The following LIMS1 variants were observed in gnomAD, a reference collection of about 807,000 sequenced individuals.
The protein encoded by LIMS1 is LIM and senescent cell antigen-like-containing domain protein 1.
LIMS1 carries 18 observed loss-of-function variants against 44.1 expected under a neutral mutation model. The observed-to-expected ratio is 0.41, with a 90% confidence interval of 0.28 to 0.61. LIMS1 has a LOEUF of 0.61. Among genes scored for constraint, LIMS1 ranks in the 20% least tolerant of loss-of-function variants. LIMS1 has a pLI of 0.32. For missense variants in LIMS1, 201 were observed against 422.0 expected (o/e 0.48, Z 4.59); for synonymous variants, 93 against 149.1 (o/e 0.62, Z 2.74).
intron 1 of LIMS1, chr2:108,607,173 A>G (rs185759837): frequency 1.3e-6 from 2 of 1,547,870 alleles, no homozygotes; most frequent in East Asian, 4.9e-5. Context: ...GGACACAGTG[A>G]GAGGGTGCCA....
At chr2:108,681,553 G>C in intron 9 of LIMS1, 1 of 961,186 alleles carries the variant, frequency 1.0e-6, no homozygotes, top group Non-Finnish European at 1.2e-6. Context: ...TCCTTGCCAC[G>C]ATCATTTAAT....
intron 1 of LIMS1, among the ~76,000 whole-genome samples, chr2:108,551,779 A>AC (rs1684728080): frequency 6.8e-6 from 1 of 146,384 alleles, no homozygotes; most frequent in African/African-American, 2.5e-5. Flanking sequence ...TATATCATAT[A>AC]CAATATACAG....
chr2:108,534,702 C>G (rs1384077662), intron 1 of LIMS1, 108 bp downstream of exon 1: 13 of 594,096 alleles, frequency 2.2e-5, no homozygotes, highest in Non-Finnish European at 2.7e-5. Context: ...GGGCTTTCCC[C>G]GCGGCCTCCC....
chr2:108,553,483 G>T (rs1684827113), intron 1 of LIMS1, among the ~76,000 whole-genome samples: 1 of 152,146 alleles, frequency 6.6e-6, no homozygotes, highest in South Asian at 2.1e-4. Flanking sequence ...AAAGGCCCAG[G>T]ATCACACAAT....
chr2:108,552,461 A>G (rs1684784612), intron 1 of LIMS1, among the ~76,000 whole-genome samples: 1 of 146,234 alleles, frequency 6.8e-6, no homozygotes. Context: ...AGTTAAATAT[A>G]TTAATATATA....
intron 1 of LIMS1, among the ~76,000 whole-genome samples, chr2:108,591,941 C>T (rs773687741): frequency 4.6e-5 from 7 of 151,862 alleles, no homozygotes; most frequent in Non-Finnish European, 7.4e-5. Context: ...ATTACAGGCA[C>T]GCACCACCAT....
Position 108,645,297 on chromosome 2 carries a change from G to A in LIMS1, c.33-14308G>A, listed in dbSNP as rs1409249582. Among the ~76,000 whole-genome samples, 9 of 152,098 alleles carry A rather than the reference G, an allele frequency of 5.9e-5. 1 individual carries two copies. The highest frequency in any genetic ancestry group is 4.1e-4 in the South Asian group (2 of 4,830). On this transcript the variant is annotated intron_variant, in intron 1 of 9. Coordinates refer to ENST00000544547, the Ensembl canonical transcript of LIMS1. ...GCCCATCAGACTAACAGCGGATCTC[G>A]GCAGAAACCCTACAAGCCAGAAGAG...
chr2:108,597,048 ACAGG>A (rs1369003465), intron 1 of LIMS1, among the ~76,000 whole-genome samples: 1 of 148,036 alleles, frequency 6.8e-6, no homozygotes, highest in Non-Finnish European at 1.5e-5. Flanking sequence ...AGCTGGGATT[ACAGG>A]CACGTACCAC....
chr2:108,617,909 A>C (rs1428691328), intron 1 of LIMS1, among the ~76,000 whole-genome samples: 1 of 152,206 alleles, frequency 6.6e-6, no homozygotes, highest in African/African-American at 2.4e-5. Context: ...AGTTTGGAAA[A>C]AAGGACAGAA....
intron 1 of LIMS1, among the ~76,000 whole-genome samples, chr2:108,611,958 T>TATACACA: frequency 7.0e-6 from 1 of 141,898 alleles, no homozygotes; most frequent in South Asian, 2.1e-4. Flanking sequence ...TATACATATA[T>TATACACA]TATATATACA....
chr2:108,594,887 C>T (rs567677340), intron 1 of LIMS1, among the ~76,000 whole-genome samples: 3 of 151,298 alleles, frequency 2.0e-5, no homozygotes, highest in African/African-American at 7.3e-5. Flanking sequence ...GACAGCATAG[C>T]TCTAAAAAAA....
At chr2:108,657,268 G>A (rs1208549449) in intron 1 of LIMS1, among the ~76,000 whole-genome samples, 2 of 150,154 alleles carry the variant, frequency 1.3e-5, no homozygotes, top group Non-Finnish European at 3.0e-5. Flanking sequence ...GACTGATTTA[G>A]GTGATAATGA....
intron 2 of LIMS1, among the ~76,000 whole-genome samples, chr2:108,668,597 T>A (rs182778021): frequency 1.1e-4 from 16 of 152,336 alleles, no homozygotes; most frequent in Admixed American, 4.6e-4. Context: ...CATATTTTTT[T>A]AATCCATTCA....
intron 1 of LIMS1, among the ~76,000 whole-genome samples, chr2:108,644,201 G>A (rs899208753): frequency 5.3e-5 from 8 of 152,146 alleles, no homozygotes; most frequent in African/African-American, 1.9e-4. Flanking sequence ...TGACCCCCAT[G>A]TATCCTAACT....
rs1692578034 is a variant in LIMS1, at chr2:108,676,527, A to C, written c.682-79A>C. ...CAAACTTTCCTTCATCTTCTCTGAAAATAGGTTAACTCTGGTATTTACTTT... is the reference window on the plus strand; with the variant it reads ...CAAACTTTCCTTCATCTTCTCTGAACATAGGTTAACTCTGGTATTTACTTT... On this transcript the variant is annotated intron_variant, in intron 6 of 9. Coordinates refer to ENST00000544547, the Ensembl canonical transcript of LIMS1. 8.0e-6 allele frequency: 12 copies of C among 1,498,584 alleles called. No individual in the cohort carries two copies. In the Middle Eastern group the frequency reaches 7.1e-4, roughly 89 times the overall value. 92.8% of individuals were successfully genotyped at this position (1,498,584 alleles called of 1,614,324 possible).
intron 1 of LIMS1, among the ~76,000 whole-genome samples, chr2:108,644,073 G>C (rs1689900654): frequency 6.6e-6 from 1 of 152,192 alleles, no homozygotes; most frequent in African/African-American, 2.4e-5. Context: ...TAGGGGAAGG[G>C]GTGGTTGTGG....
At chr2:108,650,860 T>TCA in intron 1 of LIMS1, among the ~76,000 whole-genome samples, 1 of 125,144 alleles carries the variant, frequency 8.0e-6, no homozygotes, top group Non-Finnish European at 1.8e-5. Context: ...TTTTATTTAT[T>TCA]TATTCATTCA....
chr2:108,628,917 T>G (rs1010824368), intron 1 of LIMS1, among the ~76,000 whole-genome samples: 2 of 152,252 alleles, frequency 1.3e-5, no homozygotes, highest in African/African-American at 4.8e-5. Flanking sequence ...GCCTTCCGAG[T>G]AGCTGAGACT....
chr2:108,579,676 C>G (rs1685812952), intron 1 of LIMS1, among the ~76,000 whole-genome samples: 1 of 152,210 alleles, frequency 6.6e-6, no homozygotes, highest in South Asian at 2.1e-4. Flanking sequence ...CTCATTTGCT[C>G]ATTTGTTTGA....
Sources: gnomAD v4.1 joint callset for allele counts (sites outside exome capture counted in the v4.1 genomes callset) on GRCh38, gnomAD v4.1.1 for gene constraint, MANE v1.5 for transcripts, NCBI Gene and HGNC (gene_info 2026-07-23, HGNC 2026-07-21) for gene names.